The following FRMPD4 variants were observed in gnomAD, a reference collection of about 807,000 sequenced individuals.
FRMPD4 encodes the protein FERM and PDZ domain-containing protein 4.
FRMPD4 carries 22 observed loss-of-function variants against 94.1 expected under a neutral mutation model. That is an observed-to-expected ratio of 0.23 (90% confidence interval 0.17 to 0.33). The LOEUF is 0.33. Ranked by LOEUF, FRMPD4 falls within the 10% of genes least tolerant of loss-of-function variation. The pLI is 1.00. For missense variants in FRMPD4, 1,111 were observed against 1,339.9 expected (o/e 0.83, Z 2.67); for synonymous variants, 631 against 548.6 (o/e 1.15, Z -2.10).
chrX:12,123,123 C>CTTTTTTTTTTTTTTTTTTTTTTT (rs58251577), intron 3 of FRMPD4, among the ~76,000 whole-genome samples: 1 of 84,332 alleles, frequency 1.2e-5, no homozygotes, highest in Non-Finnish European at 2.3e-5. Flanking sequence ...ATTTTCTTTT[C>CTTTTTTTTTTTTTTTTTTTTTTT]TTTTTTTTTT....
intron 3 of FRMPD4, among the ~76,000 whole-genome samples, chrX:12,018,803 G>C (rs1820751275): frequency 1.8e-5 from 2 of 111,851 alleles, no homozygotes; most frequent in Middle Eastern, 4.6e-3. Flanking sequence ...CATCTGCAAA[G>C]ACCCTATTTT....
intron 1 of FRMPD4, among the ~76,000 whole-genome samples, chrX:12,378,029 T>C (rs1394975664): frequency 1.8e-5 from 2 of 112,075 alleles, no homozygotes; most frequent in Non-Finnish European, 3.8e-5. Flanking sequence ...TTATTAGATG[T>C]TATTTGCTGG....
At chrX:11,928,646 T>C (rs1295900746) in intron 3 of FRMPD4, among the ~76,000 whole-genome samples, 1 of 112,405 alleles carries the variant, frequency 8.9e-6, no homozygotes, top group Non-Finnish European at 1.9e-5. Flanking sequence ...AAAGGAATGC[T>C]TATACACTGT....
At chrX:12,407,005 C>A (rs1419504111) in intron 1 of FRMPD4, among the ~76,000 whole-genome samples, 2 of 110,738 alleles carry the variant, frequency 1.8e-5, no homozygotes, top group African/African-American at 6.6e-5. Context: ...TAGAGGCTAC[C>A]AATGTTCTTT....
At chrX:11,832,169 A>G (rs2053478671) in intron 1 of FRMPD4, among the ~76,000 whole-genome samples, 1 of 110,246 alleles carries the variant, frequency 9.1e-6, no homozygotes, top group Admixed American at 9.7e-5. Flanking sequence ...TCCCTACCTC[A>G]TTTTCTTCCA....
chrX:12,448,053 A>G (rs1476623031), intron 1 of FRMPD4, among the ~76,000 whole-genome samples: 3 of 111,958 alleles, frequency 2.7e-5, no homozygotes, highest in Non-Finnish European at 3.8e-5. Flanking sequence ...GTAGAATGGT[A>G]ATTAATCACA....
chrX:12,113,691 G>T (rs1267646990), intron 3 of FRMPD4, among the ~76,000 whole-genome samples: 1 of 112,262 alleles, frequency 8.9e-6, no homozygotes, highest in Non-Finnish European at 1.9e-5. Flanking sequence ...ATCAGTGAAA[G>T]TCCTTTCGCC....
chrX:11,891,279 G>A (rs1020995777), intron 3 of FRMPD4, among the ~76,000 whole-genome samples: 11 of 112,413 alleles, frequency 9.8e-5, no homozygotes, highest in African/African-American at 3.6e-4. Flanking sequence ...GCTCCTCCTG[G>A]ACTCCCTCTC....
At chrX:12,540,284 C>T (rs1282993352) in intron 2 of FRMPD4, among the ~76,000 whole-genome samples, 1 of 111,738 alleles carries the variant, frequency 8.9e-6, no homozygotes, top group Non-Finnish European at 1.9e-5. Context: ...AATTAAAAGA[C>T]ACAGACTGGC....
chrX:12,579,237 CT>C (rs1185468532), intron 2 of FRMPD4, among the ~76,000 whole-genome samples: 7 of 112,307 alleles, frequency 6.2e-5, no homozygotes, highest in Non-Finnish European at 1.1e-4. Flanking sequence ...TTCCATTCTA[CT>C]TTTTCTAGAC....
intron 3 of FRMPD4, among the ~76,000 whole-genome samples, chrX:11,982,226 C>T (rs2054401280): frequency 9.2e-6 from 1 of 108,479 alleles, no homozygotes; most frequent in South Asian, 4.0e-4. Context: ...GTTCTTTTCT[C>T]TCAGCACTAT....
chrX:12,683,399 T>A, intron 5 of FRMPD4, 84 bp from the exon 6 acceptor site: 1 of 508,307 alleles, frequency 2.0e-6, no homozygotes, highest in Non-Finnish European at 3.3e-6. Flanking sequence ...AGCAAAATTA[T>A]TGCATACCTA....
chrX:12,240,115 TG>T (rs1188406973), intron 1 of FRMPD4, among the ~76,000 whole-genome samples: 1 of 112,843 alleles, frequency 8.9e-6, no homozygotes, highest in African/African-American at 3.2e-5. Flanking sequence ...AAAATTGTAC[TG>T]GAATACAGTC....
In FRMPD4 at chrX:12,704,384, C is replaced by A; in HGVS notation, c.1096C>A (p.Leu366Ile). The A allele has an allele frequency of 8.5e-7, 1 of 1,173,081 alleles. No individual in the cohort carries two copies. Among genetic ancestry groups the A allele is most frequent in the Non-Finnish European group, 1.2e-6 (1 of 868,451 alleles). The change falls in exon 11 of 17, where the codon CTT (leucine) becomes ATT (isoleucine). Residue 366 changes from leucine to isoleucine, a missense_variant. By Grantham distance (5) the Leu-to-Ile change is conservative. This residue lies in a region of FRMPD4 where 111 missense variants were observed against 160.7 expected (regional missense o/e 0.69). Coordinates refer to ENST00000675598, the MANE Select transcript of FRMPD4 (RefSeq NM_001368397.1). The part of the protein sequence containing the change: ...IEKEWGLETF[L>I]PSAVLQSMKE... ...AAAAGAATGGGGATTAGAGACTTTT[C>A]TTCCCTCTGCTGTGCTGCAAAGCAT...
chrX:12,164,707 C>T (rs1371697416), intron 1 of FRMPD4, among the ~76,000 whole-genome samples: 2 of 112,130 alleles, frequency 1.8e-5, no homozygotes, highest in Non-Finnish European at 3.8e-5. Flanking sequence ...TCTCCAGCAC[C>T]TGTTGTTTCC....
chrX:12,120,048 C>A (rs1250690936), intron 3 of FRMPD4, among the ~76,000 whole-genome samples: 1 of 112,189 alleles, frequency 8.9e-6, no homozygotes, highest in African/African-American at 3.2e-5. Context: ...AAGGGATAGT[C>A]AAAGAAGCAG....
At chrX:12,357,130 G>A (rs777781819) in intron 1 of FRMPD4, among the ~76,000 whole-genome samples, 169 of 111,568 alleles carry the variant, frequency 1.5e-3, no homozygotes, top group Non-Finnish European at 2.5e-3. Context: ...TCATACTTGG[G>A]GTATTGATGT....
chrX:11,916,690 C>G (rs752551587), intron 3 of FRMPD4, among the ~76,000 whole-genome samples: 2 of 111,470 alleles, frequency 1.8e-5, no homozygotes, highest in Admixed American at 9.5e-5. Context: ...GCAGCGGCCC[C>G]CAGTCATCAG....
At chrX:12,577,489 A>G (rs755810139) in intron 2 of FRMPD4, among the ~76,000 whole-genome samples, 1 of 110,894 alleles carries the variant, frequency 9.0e-6, no homozygotes, top group East Asian at 2.8e-4. Flanking sequence ...AGTGTGGGCA[A>G]GGAGATGAGA....
Sources: gnomAD v4.1 joint callset for allele counts (sites outside exome capture counted in the v4.1 genomes callset) on GRCh38, gnomAD v4.1.1 for gene constraint, gnomAD v4.1.1 regional missense constraint, MANE v1.5 for transcripts, NCBI Gene and HGNC (gene_info 2026-07-23, HGNC 2026-07-21) for gene names.